ACACA: variants seen among roughly 807,000 people sequenced by gnomAD.
ACACA encodes acetyl-CoA carboxylase 1.
ACACA carries 103 observed loss-of-function variants against 296.1 expected under a neutral mutation model. The ratio of observed to expected loss-of-function variants is 0.35; its 90% CI spans 0.30 to 0.41. ACACA has a LOEUF of 0.41. Ranked by LOEUF, ACACA falls within the 10% of genes least tolerant of loss-of-function variation. ACACA has a pLI of 1.00. For missense variants in ACACA, 1,554 were observed against 2,989.7 expected, an observed-to-expected ratio of 0.52 and a Z score of 11.20; for synonymous variants, 953 against 1,038.6, an observed-to-expected ratio of 0.92 and a Z score of 1.58.
At chr17:37,318,894 T>C (rs2047215513) in intron 3 of ACACA, among the ~76,000 whole-genome samples, 1 of 152,122 alleles carries the variant, frequency 6.6e-6, no homozygotes, top group Non-Finnish European at 1.5e-5. Context: ...AACACAAACA[T>C]ATATAGCTAA....
At chr17:37,172,092 T>G (rs1018038328) in intron 41 of ACACA, among the ~76,000 whole-genome samples, 2 of 152,226 alleles carry the variant, frequency 1.3e-5, no homozygotes, top group African/African-American at 4.8e-5. Flanking sequence ...GTAAAGTTTC[T>G]TGACATAGGG....
chr17:37,262,846 CA>C (rs2081577420), intron 11 of ACACA, among the ~76,000 whole-genome samples: 1 of 152,100 alleles, frequency 6.6e-6, no homozygotes, highest in East Asian at 1.9e-4. Context: ...CCTCCCACCT[CA>C]GCCTCCCAAG....
Position 37,330,432 on chromosome 17 carries a change from A to G in ACACA, c.86-7T>C. ...CCAAAATGAGCTCTTACAGCTATGG[A>G]GAAAATGAAAAGTGAGAAAGGCAGG... On this transcript the variant is annotated splice_region_variant and splice_polypyrimidine_tract_variant and intron_variant, in intron 2 of 55. Transcript: ENST00000616317. The G allele has an allele frequency of 6.2e-7, 1 of 1,614,166 alleles. No individual in the cohort carries two copies. Among genetic ancestry groups the G allele is most frequent in the Non-Finnish European group, 8.5e-7 (1 of 1,180,038 alleles).
chr17:37,105,618 A>T (rs1392813452), intron 52 of ACACA, among the ~76,000 whole-genome samples: 5 of 152,060 alleles, frequency 3.3e-5, no homozygotes, highest in Non-Finnish European at 7.4e-5. Context: ...TAATCCCAAC[A>T]CTTTAGGAGG....
At chr17:37,150,773 G>A (rs150893259) in intron 44 of ACACA, among the ~76,000 whole-genome samples, 1 of 152,044 alleles carries the variant, frequency 6.6e-6, no homozygotes, top group Non-Finnish European at 1.5e-5. Context: ...GGAAAGAGGG[G>A]CCAGGTGTGG....
chr17:37,287,756 C>CAAAAA (rs35341859), intron 3 of ACACA, among the ~76,000 whole-genome samples: 1 of 123,396 alleles, frequency 8.1e-6, no homozygotes, highest in Admixed American at 8.1e-5. Context: ...AACAAAAAGA[C>CAAAAA]AAAAAAAAAA....
chr17:37,365,259 C>T (rs2049566928), intron 1 of ACACA, among the ~76,000 whole-genome samples: 1 of 152,132 alleles, frequency 6.6e-6, no homozygotes, highest in Non-Finnish European at 1.5e-5. Context: ...ATGCCTGGCC[C>T]ACAGTTCAGA....
intron 18 of ACACA, among the ~76,000 whole-genome samples, chr17:37,247,743 A>T (rs2080785459): frequency 6.6e-6 from 1 of 152,250 alleles, no homozygotes; most frequent in East Asian, 1.9e-4. Context: ...TTTCTACTCA[A>T]ATATGTAAGA....
chr17:37,202,565 C>G (rs1050456764), intron 33 of ACACA, among the ~76,000 whole-genome samples: 2 of 150,094 alleles, frequency 1.3e-5, no homozygotes, highest in Non-Finnish European at 3.0e-5. Flanking sequence ...AAAAAAAAAA[C>G]TTTTTCTAAA....
intron 3 of ACACA, among the ~76,000 whole-genome samples, chr17:37,305,772 G>A (rs1451896760): frequency 6.6e-6 from 1 of 152,102 alleles, no homozygotes; most frequent in Non-Finnish European, 1.5e-5. Flanking sequence ...CAAAGCAGCT[G>A]GTCTTCATGG....
chr17:37,351,927 A>ATTTT (rs34937393), intron 1 of ACACA, among the ~76,000 whole-genome samples: 1 of 112,652 alleles, frequency 8.9e-6, no homozygotes, highest in Non-Finnish European at 1.7e-5. Flanking sequence ...CACAGGCTGC[A>ATTTT]TTTTTTTTTT....
At chr17:37,228,696 T>C (rs1336396057) in intron 25 of ACACA, among the ~76,000 whole-genome samples, 1 of 152,156 alleles carries the variant, frequency 6.6e-6, no homozygotes, top group Non-Finnish European at 1.5e-5. Context: ...AGAGCAAACA[T>C]ACTCCTTTCC....
intron 45 of ACACA, chr17:37,144,033 CTTCTT>C (rs759152500): frequency 3.8e-4 from 295 of 773,940 alleles, no homozygotes; most frequent in Non-Finnish European, 6.4e-4. Context: ...GATCCCTGAA[CTTCTT>C]TTTTGTCTCC....
chr17:37,175,366 A>G (rs954170532), intron 41 of ACACA, among the ~76,000 whole-genome samples: 3 of 152,210 alleles, frequency 2.0e-5, no homozygotes, highest in Non-Finnish European at 4.4e-5. Flanking sequence ...GCTGTACTGG[A>G]TTGCGAACTG....
chr17:37,164,911 T>A (rs2076604606), intron 41 of ACACA, among the ~76,000 whole-genome samples: 1 of 152,202 alleles, frequency 6.6e-6, no homozygotes, highest in South Asian at 2.1e-4. Context: ...TGTGACCATG[T>A]GGCACTGGGC....
At chr17:37,143,763 G>T in intron 45 of ACACA, 9 of 944,828 alleles carry the variant, frequency 9.5e-6, no homozygotes, top group East Asian at 4.8e-5. Context: ...TTGCTTTTTC[G>T]GCCTTGGCAA....
chr17:37,304,962 G>T (rs2083802780), intron 3 of ACACA, among the ~76,000 whole-genome samples: 1 of 152,006 alleles, frequency 6.6e-6, no homozygotes, highest in African/African-American at 2.4e-5. Context: ...AAATAAATAT[G>T]TTTTTAAAAA....
At chr17:37,378,014 T>G (rs766101026) in intron 1 of ACACA, 4 of 1,541,942 alleles carry the variant, frequency 2.6e-6, no homozygotes, top group South Asian at 1.1e-5. Flanking sequence ...TCCAAAAAAT[T>G]TTTACCTTTA....
chr17:37,399,364 A>G (rs1180309229), intron 1 of ACACA, among the ~76,000 whole-genome samples: 2 of 152,172 alleles, frequency 1.3e-5, no homozygotes, highest in Non-Finnish European at 2.9e-5. Context: ...TTTCAATTAT[A>G]TTAAACAATG....
Sources: allele counts gnomAD v4.1 joint callset (sites outside exome capture counted in the v4.1 genomes callset), GRCh38; gene constraint gnomAD v4.1.1; transcripts MANE v1.5; gene names NCBI Gene and HGNC (gene_info 2026-07-23, HGNC 2026-07-21).